Variants in CPED1 observed in about 807,000 individuals in gnomAD.
CPED1 encodes the protein cadherin-like and PC-esterase domain-containing protein 1.
Under a neutral mutation model 128.2 loss-of-function variants are expected in CPED1, and 114 were observed. The observed-to-expected ratio is 0.89, with a 90% CI of 0.76 to 1.04. The LOEUF is 1.04. Among genes scored for constraint, CPED1 ranks in the 50% least tolerant of loss-of-function variants. CPED1 has a pLI of 0.00. For synonymous variants in CPED1, 462 were observed against 426.7 expected (o/e 1.08, Z -1.02); for missense variants, 1,211 against 1,207.1 (o/e 1.00, Z -0.05).
At chr7:121,173,646 A>C (rs1429889475) in intron 16 of CPED1, among the ~76,000 whole-genome samples, 1 of 152,052 alleles carries the variant, frequency 6.6e-6, no homozygotes, top group Non-Finnish European at 1.5e-5. Context: ...TTGGCATTTA[A>C]GTGGACTCCA....
intron 16 of CPED1, among the ~76,000 whole-genome samples, chr7:121,230,870 A>T (rs1247269997): frequency 6.6e-6 from 1 of 152,042 alleles, no homozygotes; most frequent in Non-Finnish European, 1.5e-5. Context: ...AAAACAAGGA[A>T]AAGCAAGATC....
At chr7:121,182,199 G>GAT (rs1190529374) in intron 16 of CPED1, among the ~76,000 whole-genome samples, 6 of 27,008 alleles carry the variant, frequency 2.2e-4, no homozygotes, top group Non-Finnish European at 3.6e-4. Context: ...TTCGATGAGA[G>GAT]CTTTTTTTTT....
At chr7:121,249,374 TC>T (rs541364286) in intron 18 of CPED1, among the ~76,000 whole-genome samples, 287 of 152,110 alleles carry the variant, frequency 1.9e-3, no homozygotes, top group Admixed American at 2.9e-3. Context: ...AACATACTCA[TC>T]AGATTCACCA....
intron 3 of CPED1, among the ~76,000 whole-genome samples, chr7:121,029,471 A>T (rs1486463153): frequency 6.6e-6 from 1 of 152,194 alleles, no homozygotes; most frequent in Non-Finnish European, 1.5e-5. Context: ...TTCTTCTGGA[A>T]AATTGTTATT....
At chr7:121,063,317 T>A (rs1196141193) in intron 4 of CPED1, among the ~76,000 whole-genome samples, 2 of 133,320 alleles carry the variant, frequency 1.5e-5, no homozygotes, top group Non-Finnish European at 3.1e-5. Context: ...GTAAAAATCT[T>A]AGAGCAGAAG....
rs58884492 is a variant in CPED1 at position 121,044,650 on chromosome 7, CTTTTTT to C, written c.434-2223_434-2218del. Among the ~76,000 whole-genome samples the C allele has an allele frequency of 6.8e-4, 72 of 106,046 alleles. 2 individuals are homozygous for C. In the Middle Eastern group the frequency reaches 0.026, roughly 38 times the overall value. 69.6% of individuals were successfully genotyped at this position (106,046 alleles called of 152,430 possible). ...TTGCTGAGAGCAGTGACTTTCTGCT[CTTTTTT>C]TTTTTTTTTTTTTGCTATTTACTTT... On this transcript the variant is annotated intron_variant, in intron 3 of 22. Transcript: ENST00000310396.
intron 7 of CPED1, among the ~76,000 whole-genome samples, chr7:121,107,611 G>A (rs919114977): frequency 7.9e-5 from 12 of 152,080 alleles, no homozygotes; most frequent in Admixed American, 5.2e-4. Context: ...AGTAATAACA[G>A]TGAAAATAAT....
At chr7:121,290,439 C>T (rs1792673803) in intron 22 of CPED1, among the ~76,000 whole-genome samples, 2 of 152,306 alleles carry the variant, frequency 1.3e-5, no homozygotes, top group African/African-American at 2.4e-5. Context: ...TAAAAGCGTT[C>T]CTATTTCTCC....
chr7:121,127,509 C>T (rs1411761340), intron 10 of CPED1, among the ~76,000 whole-genome samples: 8 of 149,408 alleles, frequency 5.4e-5, no homozygotes, highest in Non-Finnish European at 1.0e-4. Flanking sequence ...CTTATTTTTT[C>T]TTTTTGTTTT....
In CPED1 at chr7:121,094,184, C is replaced by T. The variant is rs187446957; in HGVS notation, c.617-3515C>T. 3.4e-3 allele frequency among the ~76,000 whole-genome samples: 511 copies of T among 152,140 alleles called. 3 individuals carry two copies. Among genetic ancestry groups the T allele is most frequent in the African/African-American group, 0.012 (483 of 41,536 alleles). On this transcript the variant is annotated intron_variant, in intron 5 of 22. Transcript: ENST00000310396. ...ACTAATTGCGAATTATTAAGTAAGG[C>T]CTTTATCTTTATTGAAAATTTTAAA... is the stretch of plus-strand genomic sequence containing the variant.
chr7:121,119,008 C>A (rs1795319135), intron 7 of CPED1, among the ~76,000 whole-genome samples: 1 of 152,130 alleles, frequency 6.6e-6, no homozygotes. Flanking sequence ...TATATTCAGA[C>A]AAATCAGAGC....
At chr7:121,097,862 A>G in intron 6 of CPED1, 31 bp downstream of exon 6, 1 of 1,610,528 alleles carries the variant, frequency 6.2e-7, no homozygotes. Flanking sequence ...TGTTATAACC[A>G]GCATGCATTG....
intron 17 of CPED1, 137 bp downstream of exon 17, chr7:121,236,968 TTAATG>T: frequency 2.2e-6 from 1 of 444,544 alleles, no homozygotes; most frequent in Non-Finnish European, 4.0e-6. Flanking sequence ...AAGCATATAA[TTAATG>T]TAAGTGCATT....
At position 121,130,221 on chromosome 7, in the gene CPED1, T is replaced by C; in HGVS notation, c.1504T>C (p.Tyr502His). ...AAATCCTGGCTCAGTCCTGACCCAATACTGGTCTCTTTTAAATGTATTTGA... is the reference window on the plus strand; with the variant it reads ...AAATCCTGGCTCAGTCCTGACCCAACACTGGTCTCTTTTAAATGTATTTGA... ...VGNPGSVLTQYWSLLNVFEQF... is the reference protein window; with the variant it reads ...VGNPGSVLTQHWSLLNVFEQF... Residue 502 changes from tyrosine (Y) to histidine (H), a missense_variant, in exon 12 of 23, where the codon TAC (tyrosine) becomes CAC (histidine). Tyr to His is a moderately conservative substitution (Grantham distance 83, BLOSUM62 2). Coordinates refer to ENST00000310396, the MANE Select transcript of CPED1 (RefSeq NM_024913.5). 2.5e-6 allele frequency: 4 copies of C among 1,612,360 alleles called. No individual in the cohort carries two copies. Among genetic ancestry groups the C allele is most frequent in the Non-Finnish European group, 3.4e-6 (4 of 1,178,948 alleles).
intron 7 of CPED1, 85 bp downstream of exon 7, chr7:121,100,179 T>A: frequency 8.6e-7 from 1 of 1,168,442 alleles, no homozygotes; most frequent in Non-Finnish European, 1.2e-6. Context: ...CCCACCTTTA[T>A]GGTTATCAAA....
intron 22 of CPED1, among the ~76,000 whole-genome samples, chr7:121,272,011 C>T (rs1363140035): frequency 1.3e-5 from 2 of 152,074 alleles, no homozygotes; most frequent in East Asian, 3.9e-4. Context: ...GGATTACTTC[C>T]TCCCTAACCC....
rs957046863 is a variant in CPED1 at position 121,201,455 on chromosome 7, A to G, written c.2056-35259A>G. ...CATCAAGAAAGAAAGAGAAAGAGAG[A>G]AAGAGGGAGAGAGAGGGAGAGTGAG... On this transcript the variant is annotated intron_variant, in intron 16 of 22. Transcript: ENST00000310396. Among the ~76,000 whole-genome samples, 3 of 95,496 alleles carry G rather than the reference A, an allele frequency of 3.1e-5. No individual in the cohort carries two copies. The South Asian group carries it at 1.1e-3, about 34-fold the overall frequency. The allele number at this position is 95,496 out of a possible 152,430, so 62.6% of individuals were successfully genotyped here.
rs1238453698 is a variant in CPED1 at position 121,236,759 on chromosome 7, C to A, written c.2101C>A (p.Pro701Thr). Residue 701 changes from proline (P) to threonine (T), a missense_variant, in exon 17 of 23, where the codon CCT becomes ACT. Physicochemically the swap from Pro to Thr is conservative, Grantham distance 38 (BLOSUM62 -1). Transcript: ENST00000310396. ...TCCAGAGGAAACCTGTGGGTTACAGCCTATTTCTTCTGACTACATTGAAGC... is the reference window on the plus strand; with the variant it reads ...TCCAGAGGAAACCTGTGGGTTACAGACTATTTCTTCTGACTACATTGAAGC... ...IHPEETCGLQPISSDYIEAIL... is the reference protein window; with the variant it reads ...IHPEETCGLQTISSDYIEAIL... 6 of 1,609,492 alleles carry A rather than the reference C, an allele frequency of 3.7e-6. No individual in the cohort carries two copies. Among genetic ancestry groups the A allele is most frequent in the Non-Finnish European group, 5.1e-6 (6 of 1,178,168 alleles).
At position 121,198,486 on chromosome 7, in the gene CPED1, T is replaced by C. The variant is rs552897207; in HGVS notation, c.2056-38228T>C. 2.6e-5 allele frequency among the ~76,000 whole-genome samples: 4 copies of C among 152,250 alleles called. No homozygotes were observed. The East Asian group carries it at 5.8e-4, about 22-fold the overall frequency. Reference sequence around the variant, plus strand: ...GTGGAGCAAGCACACTTTTGCCTGATTGGAAGCACCTGCAGTTTATTTGCC... The same window carrying C: ...GTGGAGCAAGCACACTTTTGCCTGACTGGAAGCACCTGCAGTTTATTTGCC... On this transcript the variant is annotated intron_variant, in intron 16 of 22. Transcript: ENST00000310396.
Sources: allele counts gnomAD v4.1 joint callset (sites outside exome capture counted in the v4.1 genomes callset), GRCh38; gene constraint gnomAD v4.1.1; transcripts MANE v1.5; gene names NCBI Gene and HGNC (gene_info 2026-07-23, HGNC 2026-07-21).